Variants in PCDHGA2 observed in about 807,000 individuals in gnomAD.
PCDHGA2 encodes protocadherin gamma subfamily A, 2, also known as protocadherin gamma-A2.
PCDHGA2 carries 40 observed loss-of-function variants against 59.2 expected under a neutral mutation model. That is an observed-to-expected ratio of 0.68 (90% CI 0.52 to 0.88). The LOEUF (loss-of-function observed/expected upper bound fraction) is 0.88, where lower values mean the gene tolerates loss of function less well. Among genes scored for constraint, PCDHGA2 ranks in the 40% least tolerant of loss-of-function variants. The pLI is 0.00. For synonymous variants in PCDHGA2, 560 were observed against 526.0 expected (o/e 1.06, Z -0.89); for missense variants, 1,226 against 1,204.0 (o/e 1.02, Z -0.27).
At chr5:141,351,238 C>G in intron 1 of PCDHGA2, 1 of 1,614,038 alleles carries the variant, frequency 6.2e-7, no homozygotes. Context: ...ACACAGCTCA[C>G]TGTAATGTTC....
At chr5:141,398,709 G>A (rs1202607096) in intron 1 of PCDHGA2, 1 of 1,613,714 alleles carries the variant, frequency 6.2e-7, no homozygotes, top group Non-Finnish European at 8.5e-7. Context: ...ACCCGGAACT[G>A]GCACTGGAGA....
At chr5:141,404,436 C>A in intron 1 of PCDHGA2, 1 of 1,612,704 alleles carries the variant, frequency 6.2e-7, no homozygotes, top group Non-Finnish European at 8.5e-7. Flanking sequence ...GCAGAGGATA[C>A]CATCCAAGGG....
At chr5:141,412,479 T>G (rs1282087411) in intron 1 of PCDHGA2, 1 of 152,180 alleles carries the variant, frequency 6.6e-6, no homozygotes, top group African/African-American at 2.4e-5. Context: ...TTTAAAAACC[T>G]CTTACACAAT....
At chr5:141,356,862 C>A (rs767656951) in intron 1 of PCDHGA2, 1 of 1,614,204 alleles carries the variant, frequency 6.2e-7, no homozygotes, top group Admixed American at 1.7e-5. Flanking sequence ...TTGTGCTGGA[C>A]CAGAACGACA....
intron 1 of PCDHGA2, among the ~76,000 whole-genome samples, chr5:141,488,133 G>T (rs1046071550): frequency 6.6e-6 from 1 of 152,198 alleles, no homozygotes; most frequent in Non-Finnish European, 1.5e-5. Context: ...AGAAAGAGGA[G>T]AGAACTAAAG....
chr5:141,347,137 C>CTCTTTCTTTCTTTCTTTCTGTCTTTCTT (rs1757892625), intron 1 of PCDHGA2, among the ~76,000 whole-genome samples: 4 of 113,744 alleles, frequency 3.5e-5, no homozygotes, highest in African/African-American at 1.2e-4. Flanking sequence ...CTCTGTTTCT[C>CTCTTTCTTTCTTTCTTTCTGTCTTTCTT]TCTTTCTTTC....
intron 1 of PCDHGA2, chr5:141,393,975 G>C (rs2092889131): frequency 6.2e-7 from 1 of 1,613,680 alleles, no homozygotes; most frequent in Admixed American, 1.7e-5. Context: ...TTACACACGT[G>C]ATAATTTACC....
At position 141,414,543 on chromosome 5, in the gene PCDHGA2, C is replaced by T. The variant is rs369387885; in HGVS notation, c.2424+73148C>T. The T allele has an allele frequency of 5.0e-6, 8 of 1,613,880 alleles. No individual in the cohort carries two copies. The African/African-American group carries it at 1.1e-4, about 22-fold the overall frequency. ...ATATCAATGACAACCCACCTACCTT[C>T]TCTCAAGTCTCCTACTTTACCTATA... On this transcript the variant is annotated intron_variant, in intron 1 of 3. Transcript: ENST00000394576.
At position 141,493,887 on chromosome 5, in the gene PCDHGA2, G is replaced by C. The variant is rs760575047; in HGVS notation, c.2425-920G>C. On this transcript the variant is annotated intron_variant, in intron 1 of 3. Transcript: ENST00000394576. This position sits in a 1 kb window ranked among gnomAD's most constrained non-coding sequence, Gnocchi z 4.3. Reference sequence around the variant, plus strand: ...AGAACCAGTGAGGAGGTGGCTCTAGGAGTGCTCCATGAGAGTGTGTGATGG... The same window carrying C: ...AGAACCAGTGAGGAGGTGGCTCTAGCAGTGCTCCATGAGAGTGTGTGATGG... Among the ~76,000 whole-genome samples, 11 of 152,184 alleles carry C rather than the reference G, an allele frequency of 7.2e-5. No homozygotes were observed. Among genetic ancestry groups the C allele is most frequent in the Non-Finnish European group, 1.2e-4 (8 of 68,026 alleles).
At chr5:141,365,047 G>T (rs1436850571) in intron 1 of PCDHGA2, 15 of 1,613,686 alleles carry the variant, frequency 9.3e-6, no homozygotes, top group Non-Finnish European at 1.3e-5. Flanking sequence ...ACGACAATGC[G>T]CCCCTGTTCA....
intron 1 of PCDHGA2, chr5:141,366,866 T>G (rs998309813): frequency 7.1e-7 from 1 of 1,402,360 alleles, no homozygotes; most frequent in Admixed American, 2.4e-5. Flanking sequence ...TTATTTGCTG[T>G]ATTGGAGATT....
chr5:141,431,748 G>A lies in PCDHGA2; in HGVS notation c.2425-63059G>A, dbSNP rs759671844. On this transcript the variant is annotated intron_variant, in intron 1 of 3. Coordinates refer to ENST00000394576, the MANE Select transcript of PCDHGA2 (RefSeq NM_018915.4). This position sits in a 1 kb window ranked among gnomAD's most constrained non-coding sequence, Gnocchi z 4.8. ...ATGGATAATGCAGGATATTCTGCGC[G>A]AGCCAAAGTCCTGATCACTGTTCTG... 4 of 1,614,078 alleles carry A rather than the reference G, an allele frequency of 2.5e-6. No individual in the cohort carries two copies. Among genetic ancestry groups the A allele is most frequent in the African/African-American group, 1.3e-5 (1 of 74,934 alleles).
At chr5:141,420,061 G>A (rs376044810) in intron 1 of PCDHGA2, 3 of 1,613,958 alleles carry the variant, frequency 1.9e-6, no homozygotes, top group Non-Finnish European at 2.5e-6. Flanking sequence ...TCTGCTCCAA[G>A]TCCGGACCTG....
rs575872277 is a variant in PCDHGA2, at chr5:141,511,848, G to A, written c.*675G>A. The A allele has an allele frequency of 6.4e-6, 1 of 156,684 alleles. No individual in the cohort carries two copies. The highest frequency in any genetic ancestry group is 2.0e-4 in the South Asian group (1 of 5,078). The allele number at this position is 156,684 out of a possible 1,614,324, so 9.7% of individuals were successfully genotyped here. A position where few individuals can be genotyped will look rare whatever the true frequency, so the allele number is the denominator to read the frequency against. ...GCCCTGGGGACCAGTCTTCTGTTTT[G>A]TTTTTCATTGTTTGACGTTTCCACT... On this transcript the variant is annotated 3_prime_UTR_variant, in exon 4 of 4. Transcript: ENST00000394576.
intron 1 of PCDHGA2, chr5:141,405,552 G>A (rs2094685427): frequency 1.6e-6 from 1 of 623,718 alleles, no homozygotes. Context: ...CCCAAGTAGA[G>A]TAGCTGGGAC....
At chr5:141,352,377 C>A in intron 1 of PCDHGA2, 1 of 1,614,038 alleles carries the variant, frequency 6.2e-7, no homozygotes, top group South Asian at 1.1e-5. Flanking sequence ...GTGATTCTAG[C>A]GATCGCCCTG....
chr5:141,434,174 C>T (rs1310074584), intron 1 of PCDHGA2, among the ~76,000 whole-genome samples: 1 of 152,132 alleles, frequency 6.6e-6, no homozygotes, highest in Non-Finnish European at 1.5e-5. Flanking sequence ...GGGATTATAT[C>T]CAAGATTTGT....
At position 141,491,423 on chromosome 5, in the gene PCDHGA2, G is replaced by A; in HGVS notation, c.2425-3384G>A. The A allele has an allele frequency of 3.1e-6, 5 of 1,614,126 alleles. No homozygotes were observed. Among genetic ancestry groups the A allele is most frequent in the Non-Finnish European group, 4.2e-6 (5 of 1,180,036 alleles). ...AACGCAGACGGGGACGGGGGTGGAGGGCAGTGCTGCAGGCGCCAGGACTCA... is the reference window on the plus strand; with the variant it reads ...AACGCAGACGGGGACGGGGGTGGAGAGCAGTGCTGCAGGCGCCAGGACTCA... On this transcript the variant is annotated intron_variant, in intron 1 of 3. Transcript: ENST00000394576. The surrounding 1 kb of genome is among the most constrained non-coding windows in gnomAD (Gnocchi z 6.9).
At chr5:141,370,963 G>T (rs1281017777) in intron 1 of PCDHGA2, 1 of 1,614,018 alleles carries the variant, frequency 6.2e-7, no homozygotes, top group Non-Finnish European at 8.5e-7. Context: ...GATGGCAGTA[G>T]GTACCCAGAG....
Sources: gnomAD v4.1 joint callset for allele counts (sites outside exome capture counted in the v4.1 genomes callset) on GRCh38, gnomAD v4.1.1 for gene constraint, Gnocchi (gnomAD v3.1) non-coding constraint, MANE v1.5 for transcripts, NCBI Gene and HGNC (gene_info 2026-07-23, HGNC 2026-07-21) for gene names.